The following INSC variants were observed in gnomAD, a reference collection of about 807,000 sequenced individuals.
INSC encodes the protein INSC spindle orientation adaptor protein.
INSC carries 67 observed loss-of-function variants against 58.6 expected under a neutral mutation model. That is an observed-to-expected ratio of 1.14 (90% CI 0.94 to 1.40). The LOEUF (loss-of-function observed/expected upper bound fraction) is 1.40. Ranked by LOEUF, INSC falls within the 40% of genes most tolerant of loss-of-function variation. INSC has a pLI of 0.00. For synonymous variants in INSC, 262 were observed against 276.1 expected (o/e 0.95, Z 0.51); for missense variants, 714 against 692.0 (o/e 1.03, Z -0.36).
At chr11:15,259,767 T>C in the INSC span, among the ~76,000 whole-genome samples, 1 of 152,222 alleles carries the variant, frequency 6.6e-6, no homozygotes, top group Non-Finnish European at 1.5e-5. Context: ...AAGCAGCAGA[T>C]TCAGGATAGG....
chr11:15,253,583 A>G, the INSC span, among the ~76,000 whole-genome samples: 1 of 152,142 alleles, frequency 6.6e-6, no homozygotes, highest in African/African-American at 2.4e-5. Context: ...GGAGGAAGAA[A>G]AGGAAGTTGG....
rs189236034 is a variant in INSC at position 15,191,375 on chromosome 11, A to G, written c.693+561A>G. Among the ~76,000 whole-genome samples, 4 of 152,106 alleles carry G rather than the reference A, an allele frequency of 2.6e-5. No individual in the cohort carries two copies. In the East Asian group the frequency reaches 7.8e-4, roughly 29 times the overall value. On this transcript the variant is annotated intron_variant, in intron 6 of 12. Transcript: ENST00000379556. ...CCCAGAGCCTCTATCATCTTTCTTT[A>G]TGGGTATATGTTATAAATATCAACC...
chr11:15,145,025 A>C (rs1333893732), intron 1 of INSC, among the ~76,000 whole-genome samples: 1 of 152,152 alleles, frequency 6.6e-6, no homozygotes, highest in East Asian at 1.9e-4. Context: ...TAGGTGATGG[A>C]GGGATTTCTT....
At chr11:15,256,474 G>C in the INSC span, among the ~76,000 whole-genome samples, 2 of 150,272 alleles carry the variant, frequency 1.3e-5, no homozygotes, top group Non-Finnish European at 2.9e-5. Flanking sequence ...GGCAGTTCTT[G>C]GAGAAAATTT....
chr11:15,165,916 A>C (rs1849180359), intron 2 of INSC, among the ~76,000 whole-genome samples: 1 of 152,050 alleles, frequency 6.6e-6, no homozygotes, highest in Non-Finnish European at 1.5e-5. Context: ...GGACTCTTAG[A>C]TGCACTTGAG....
In INSC at chr11:15,222,144, T is replaced by C. The variant is rs546188140; in HGVS notation, c.991+496T>C. Among the ~76,000 whole-genome samples the C allele has an allele frequency of 1.8e-3, 280 of 152,272 alleles. 2 individuals are homozygous for C. Among genetic ancestry groups the C allele is most frequent in the African/African-American group, 6.0e-3 (249 of 41,570 alleles). ...CTCATATCATGGGGCCTTGAAAGCATTGACTCCTCTAGGTTCCCCTATTCA... is the reference window on the plus strand; with the variant it reads ...CTCATATCATGGGGCCTTGAAAGCACTGACTCCTCTAGGTTCCCCTATTCA... On this transcript the variant is annotated intron_variant, in intron 8 of 12. Coordinates refer to ENST00000379556, the MANE Select transcript of INSC (RefSeq NM_001042536.3).
chr11:15,266,315 A>G, the INSC span, among the ~76,000 whole-genome samples: 1 of 151,962 alleles, frequency 6.6e-6, no homozygotes. Context: ...GACATGCACC[A>G]GAATAAAAAC....
chr11:15,265,304 T>C, the INSC span, among the ~76,000 whole-genome samples: 66 of 152,216 alleles, frequency 4.3e-4, no homozygotes, highest in South Asian at 1.4e-3. Flanking sequence ...TCTTATTTTA[T>C]ATATGTTATG....
chr11:15,224,577 G>A (rs187166634), intron 8 of INSC, among the ~76,000 whole-genome samples: 3 of 152,310 alleles, frequency 2.0e-5, no homozygotes, highest in East Asian at 3.9e-4. Flanking sequence ...TTGTGAAGGT[G>A]TTATCAGTAG....
intron 6 of INSC, among the ~76,000 whole-genome samples, chr11:15,198,694 C>G (rs1850464142): frequency 6.6e-6 from 1 of 151,918 alleles, no homozygotes; most frequent in African/African-American, 2.4e-5. Flanking sequence ...ATATTTACAT[C>G]TGGAAGAAGG....
chr11:15,194,263 C>T (rs1850290023), intron 6 of INSC, among the ~76,000 whole-genome samples: 1 of 152,172 alleles, frequency 6.6e-6, no homozygotes, highest in Non-Finnish European at 1.5e-5. Flanking sequence ...AACCAGGGAT[C>T]TAATTGGTAG....
At chr11:15,209,045 C>T (rs1850920713) in intron 7 of INSC, among the ~76,000 whole-genome samples, 1 of 151,392 alleles carries the variant, frequency 6.6e-6, no homozygotes, top group South Asian at 2.1e-4. Flanking sequence ...ATGTATCTAA[C>T]TTCCAGATTT....
At chr11:15,179,575 C>G (rs1379619616) in intron 5 of INSC, among the ~76,000 whole-genome samples, 1 of 152,184 alleles carries the variant, frequency 6.6e-6, no homozygotes, top group Admixed American at 6.5e-5. Context: ...TCCCACAGGC[C>G]CCCATGTCAG....
intron 1 of INSC, among the ~76,000 whole-genome samples, chr11:15,133,111 T>G (rs1848162986): frequency 6.6e-6 from 1 of 152,172 alleles, no homozygotes; most frequent in Admixed American, 6.5e-5. Flanking sequence ...CCATTCTCTC[T>G]CTTAACTTTC....
Position 15,221,584 on chromosome 11 carries a change from GC to G in INSC, c.930del (p.Val311SerfsTer16). 1 of 1,613,950 alleles carries G rather than the reference GC, an allele frequency of 6.2e-7. No homozygotes were observed. Among genetic ancestry groups the G allele is most frequent in the South Asian group, 1.1e-5 (1 of 91,046 alleles). ...TGGCCCAGGTCACCTCCCCACACCT[GC>G]CCGTCACCCAGCACCTCAGTAGCTT... ...VVAQVTSPHL[P>X]VTQHLSSFLE... On this transcript the variant is annotated frameshift_variant, in exon 8 of 13. Coordinates refer to ENST00000379556, the MANE Select transcript of INSC (RefSeq NM_001042536.3). LOFTEE classifies it high-confidence loss of function.
intron 1 of INSC, among the ~76,000 whole-genome samples, chr11:15,126,931 T>C (rs896248390): frequency 1.3e-5 from 2 of 152,180 alleles, no homozygotes; most frequent in East Asian, 3.9e-4. Context: ...TCTGGACCCC[T>C]TATGTATTCG....
At chr11:15,179,955 C>T (rs1849703763) in intron 5 of INSC, among the ~76,000 whole-genome samples, 1 of 152,156 alleles carries the variant, frequency 6.6e-6, no homozygotes, top group Non-Finnish European at 1.5e-5. Context: ...GTGCCAGGTT[C>T]AATTAAAAGG....
At chr11:15,192,220 T>G (rs1229569321) in intron 6 of INSC, among the ~76,000 whole-genome samples, 8 of 152,180 alleles carry the variant, frequency 5.3e-5, no homozygotes, top group Admixed American at 5.2e-4. Context: ...GGTCCTACAT[T>G]CTGGCCATGG....
chr11:15,126,532 G>A (rs1487404086), intron 1 of INSC, among the ~76,000 whole-genome samples: 1 of 152,178 alleles, frequency 6.6e-6, no homozygotes, highest in Non-Finnish European at 1.5e-5. Flanking sequence ...CAGAGCAGGA[G>A]CTCATCTAAT....
Sources: allele counts gnomAD v4.1 joint callset (sites outside exome capture counted in the v4.1 genomes callset), GRCh38; gene constraint gnomAD v4.1.1; transcripts MANE v1.5; gene names NCBI Gene and HGNC (gene_info 2026-07-23, HGNC 2026-07-21).